Variants in CCDC192 observed in about 807,000 individuals in gnomAD.
The protein encoded by CCDC192 is coiled-coil domain containing 192.
In CCDC192 at chr5:127,868,413, C is replaced by A. The variant is rs114600267; in HGVS notation, c.412-7125C>A. Among the ~76,000 whole-genome samples the A allele has an allele frequency of 2.3e-3, 353 of 152,254 alleles. 3 individuals carry two copies. Among genetic ancestry groups the A allele is most frequent in the African/African-American group, 7.5e-3 (310 of 41,558 alleles). On this transcript the variant is annotated intron_variant, in intron 5 of 6. Transcript: ENST00000514853. ...TTCATTTTCTCTGTTTCTACTTCTCCATCTTCAAAACGCTGGACAGTTTGT... is the reference window on the plus strand; with the variant it reads ...TTCATTTTCTCTGTTTCTACTTCTCAATCTTCAAAACGCTGGACAGTTTGT...
At chr5:127,871,319 G>A (rs1751851214) in intron 5 of CCDC192, among the ~76,000 whole-genome samples, 3 of 152,162 alleles carry the variant, frequency 2.0e-5, no homozygotes, top group Admixed American at 1.3e-4. Flanking sequence ...GAAACATCTT[G>A]CTTTCAATTA....
chr5:127,884,115 A>G (rs1346331045), intron 6 of CCDC192, among the ~76,000 whole-genome samples: 3 of 152,102 alleles, frequency 2.0e-5, no homozygotes, highest in Non-Finnish European at 2.9e-5. Context: ...AGGCTGAGGC[A>G]GGAGGATCAC....
chr5:127,822,243 C>A (rs1749325469), intron 5 of CCDC192, among the ~76,000 whole-genome samples: 2 of 152,202 alleles, frequency 1.3e-5, no homozygotes, highest in Admixed American at 1.3e-4. Context: ...TGCTTTCAGG[C>A]TGTGTCCTCT....
At position 127,703,527 on chromosome 5, in the gene CCDC192, C is replaced by A; in HGVS notation, c.62+20C>A. Reference sequence around the variant, plus strand: ...AAGCAGGTGAGTTCCCAGCTCCTCTCATCCCAAAATAATTCATGGGAATTT... The same window carrying A: ...AAGCAGGTGAGTTCCCAGCTCCTCTAATCCCAAAATAATTCATGGGAATTT... On this transcript the variant is annotated intron_variant, in intron 1 of 6. Transcript: ENST00000514853. 2.5e-6 allele frequency: 1 copy of A among 398,746 alleles called. No individual in the cohort carries two copies. Among genetic ancestry groups the A allele is most frequent in the South Asian group, 1.3e-4 (1 of 7,818 alleles). The allele number at this position is 398,746 out of a possible 1,614,324, so 24.7% of individuals were successfully genotyped here. A position where few individuals can be genotyped will look rare whatever the true frequency, so the allele number is the denominator to read the frequency against.
At chr5:127,933,068 A>G (rs539648778) in intron 6 of CCDC192, among the ~76,000 whole-genome samples, 1 of 152,314 alleles carries the variant, frequency 6.6e-6, no homozygotes, top group African/African-American at 2.4e-5. Flanking sequence ...GGATAAGAAC[A>G]TGCCAGGCCT....
intron 6 of CCDC192, among the ~76,000 whole-genome samples, chr5:127,916,630 C>T (rs1278729460): frequency 6.6e-6 from 1 of 152,176 alleles, no homozygotes; most frequent in African/African-American, 2.4e-5. Flanking sequence ...TACATCTCTA[C>T]CAAAACTTTT....
In CCDC192 at chr5:127,907,472, TA is replaced by T. The variant is rs1489785065; in HGVS notation, c.535+31817del. On this transcript the variant is annotated intron_variant, in intron 6 of 6. Coordinates refer to ENST00000514853, the MANE Select transcript of CCDC192 (RefSeq NM_001317938.2). ...GTATCAATTATAGTAATTTTAGATATAAAAAACTATTCTAATTATTTATTTC... is the reference window on the plus strand; with the variant it reads ...GTATCAATTATAGTAATTTTAGATATAAAAACTATTCTAATTATTTATTTC... Among the ~76,000 whole-genome samples, 10 of 152,228 alleles carry T rather than the reference TA, an allele frequency of 6.6e-5. No individual in the cohort carries two copies. The East Asian group carries it at 1.4e-3, about 21-fold the overall frequency.
intron 5 of CCDC192, among the ~76,000 whole-genome samples, chr5:127,840,971 A>G (rs947072820): frequency 2.0e-5 from 3 of 152,234 alleles, no homozygotes; most frequent in Non-Finnish European, 4.4e-5. Context: ...CTGGCAAAAC[A>G]AGTCAACCAG....
chr5:127,907,315 T>C (rs1753225468), intron 6 of CCDC192, among the ~76,000 whole-genome samples: 2 of 152,158 alleles, frequency 1.3e-5, no homozygotes, highest in South Asian at 4.1e-4. Flanking sequence ...ATTTTATGTT[T>C]TAAAACAAAC....
chr5:127,843,739 C>T (rs1317930913), intron 5 of CCDC192, among the ~76,000 whole-genome samples: 4 of 152,140 alleles, frequency 2.6e-5, no homozygotes, highest in African/African-American at 9.7e-5. Context: ...CGCCCAGCCC[C>T]AAGAATAACT....
intron 5 of CCDC192, among the ~76,000 whole-genome samples, chr5:127,813,117 C>T (rs1172913760): frequency 1.3e-5 from 2 of 152,178 alleles, no homozygotes; most frequent in African/African-American, 4.8e-5. Context: ...CCGTGCAGGG[C>T]GGAGAAGGGC....
chr5:127,745,463 A>G (rs985092586), intron 2 of CCDC192, among the ~76,000 whole-genome samples: 1 of 152,214 alleles, frequency 6.6e-6, no homozygotes, highest in African/African-American at 2.4e-5. Flanking sequence ...ACATCCATGC[A>G]TAATAATAGT....
chr5:127,930,972 T>A (rs1047618106), intron 6 of CCDC192, among the ~76,000 whole-genome samples: 1 of 152,244 alleles, frequency 6.6e-6, no homozygotes, highest in Non-Finnish European at 1.5e-5. Flanking sequence ...CTAGCAAAGA[T>A]GTGTATGCAA....
intron 2 of CCDC192, among the ~76,000 whole-genome samples, chr5:127,753,244 T>A (rs1053526226): frequency 6.6e-6 from 1 of 152,206 alleles, no homozygotes; most frequent in African/African-American, 2.4e-5. Context: ...TCCTAGCATG[T>A]ACAAGGTTTT....
chr5:127,886,075 C>A (rs1752548926), intron 6 of CCDC192, among the ~76,000 whole-genome samples: 1 of 152,172 alleles, frequency 6.6e-6, no homozygotes, highest in Non-Finnish European at 1.5e-5. Flanking sequence ...TCTGGCAAGA[C>A]TGAAAATGTT....
chr5:127,720,071 A>G (rs1229633136), intron 2 of CCDC192, among the ~76,000 whole-genome samples: 2 of 151,944 alleles, frequency 1.3e-5, no homozygotes, highest in East Asian at 1.9e-4. Flanking sequence ...AATACAATCA[A>G]CCTTTCTCAA....
chr5:127,878,343 A>C (rs1196537041), intron 6 of CCDC192, among the ~76,000 whole-genome samples: 1 of 152,232 alleles, frequency 6.6e-6, no homozygotes, highest in Non-Finnish European at 1.5e-5. Context: ...AACTGTGGTC[A>C]TGTCCCCACC....
At chr5:127,718,810 A>G (rs1224258291) in intron 2 of CCDC192, among the ~76,000 whole-genome samples, 4 of 152,192 alleles carry the variant, frequency 2.6e-5, no homozygotes, top group African/African-American at 9.6e-5. Flanking sequence ...ATAAGATGAA[A>G]TATTTTGATA....
chr5:127,882,649 T>C (rs971539181), intron 6 of CCDC192, among the ~76,000 whole-genome samples: 3 of 152,212 alleles, frequency 2.0e-5, no homozygotes, highest in African/African-American at 7.2e-5. Flanking sequence ...AAAACAGTGA[T>C]TAAAGCAATC....
Sources: allele counts gnomAD v4.1 joint callset (sites outside exome capture counted in the v4.1 genomes callset), GRCh38; gene constraint gnomAD v4.1.1; transcripts MANE v1.5; gene names NCBI Gene and HGNC (gene_info 2026-07-23, HGNC 2026-07-21).